LINGO2: variants seen among roughly 807,000 people sequenced by gnomAD.
LINGO2 encodes leucine rich repeat and Ig domain containing 2, also known as leucine-rich repeat and immunoglobulin-like domain-containing nogo receptor-interacting protein 2.
Under a neutral mutation model 30.6 loss-of-function variants are expected in LINGO2, and 14 were observed. The ratio of observed to expected loss-of-function variants is 0.46; its 90% CI spans 0.30 to 0.72. LINGO2 has a LOEUF of 0.72. Ranked by LOEUF, LINGO2 falls within the 30% of genes least tolerant of loss-of-function variation. The pLI is 0.07. For synonymous variants in LINGO2, 317 were observed against 288.5 expected (o/e 1.10, Z -1.00); for missense variants, 729 against 751.7 (o/e 0.97, Z 0.35).
chr9:29,112,029 A>C, the LINGO2 span, among the ~76,000 whole-genome samples: 1 of 142,090 alleles, frequency 7.0e-6, no homozygotes, highest in African/African-American at 2.6e-5. Context: ...TTGCATATGC[A>C]TGTGTGTATG....
chr9:28,367,843 TTA>T (rs1392248795), intron 3 of LINGO2, among the ~76,000 whole-genome samples: 1 of 152,162 alleles, frequency 6.6e-6, no homozygotes, highest in African/African-American at 2.4e-5. Flanking sequence ...TCAAGAACTA[TTA>T]TGAGTCAGAT....
chr9:28,823,584 G>A, the LINGO2 span, among the ~76,000 whole-genome samples: 1 of 152,142 alleles, frequency 6.6e-6, no homozygotes, highest in Admixed American at 6.6e-5. Context: ...TGGAGCACTT[G>A]TTTTTGGAAT....
the LINGO2 span, among the ~76,000 whole-genome samples, chr9:29,211,199 A>G: frequency 1.3e-5 from 2 of 152,212 alleles, no homozygotes; most frequent in Admixed American, 6.5e-5. Context: ...GTATGCACAA[A>G]CACAGCACAG....
chr9:28,872,923 T>G, the LINGO2 span, among the ~76,000 whole-genome samples: 1 of 152,158 alleles, frequency 6.6e-6, no homozygotes, highest in Non-Finnish European at 1.5e-5. Context: ...CAAATGATGA[T>G]TCTTCTACCT....
At chr9:28,639,122 G>T (rs1399625386) in intron 1 of LINGO2, among the ~76,000 whole-genome samples, 14 of 152,138 alleles carry the variant, frequency 9.2e-5, no homozygotes, top group Admixed American at 9.2e-4. Flanking sequence ...CCATGTAGTT[G>T]AGCGGTTTTG....
At chr9:28,321,139 T>G (rs1489931555) in intron 3 of LINGO2, among the ~76,000 whole-genome samples, 1 of 152,136 alleles carries the variant, frequency 6.6e-6, no homozygotes, top group Non-Finnish European at 1.5e-5. Context: ...CTCACTTCAT[T>G]TAAAGAAATG....
chr9:28,218,487 C>T (rs974701001), intron 4 of LINGO2, among the ~76,000 whole-genome samples: 5 of 151,978 alleles, frequency 3.3e-5, no homozygotes, highest in Non-Finnish European at 5.9e-5. Flanking sequence ...GTGGAAAAGT[C>T]ACATGTTCTC....
At chr9:28,172,118 G>A (rs1237312084) in intron 4 of LINGO2, among the ~76,000 whole-genome samples, 8 of 150,196 alleles carry the variant, frequency 5.3e-5, no homozygotes, top group African/African-American at 1.7e-4. Context: ...ACGGCCCGGC[G>A]CGGTGGCTCA....
At chr9:29,125,432 AATAT>A in the LINGO2 span, among the ~76,000 whole-genome samples, 1 of 151,562 alleles carries the variant, frequency 6.6e-6, no homozygotes, top group African/African-American at 2.4e-5. Flanking sequence ...AAAATTTAAA[AATAT>A]ATATATATAC....
At chr9:28,199,997 G>GAAA (rs11325617) in intron 4 of LINGO2, among the ~76,000 whole-genome samples, 2 of 123,096 alleles carry the variant, frequency 1.6e-5, no homozygotes, top group African/African-American at 3.1e-5. Flanking sequence ...CTTCATTTAG[G>GAAA]AAAAAAAAAA....
At chr9:28,644,206 A>G (rs1827730678) in intron 1 of LINGO2, among the ~76,000 whole-genome samples, 1 of 152,076 alleles carries the variant, frequency 6.6e-6, no homozygotes, top group Admixed American at 6.6e-5. Context: ...CAAAAGAAAA[A>G]AAAAGGAAAT....
chr9:28,033,792 A>T (rs951352465), intron 4 of LINGO2, among the ~76,000 whole-genome samples: 1 of 152,230 alleles, frequency 6.6e-6, no homozygotes, highest in Non-Finnish European at 1.5e-5. Flanking sequence ...AAGACAGAAG[A>T]TGTAGCTGAC....
intron 1 of LINGO2, among the ~76,000 whole-genome samples, chr9:28,602,916 T>C (rs758039967): frequency 6.6e-6 from 1 of 152,064 alleles, no homozygotes; most frequent in Non-Finnish European, 1.5e-5. Flanking sequence ...CAAAGTATGA[T>C]CTAGTTTTCT....
intron 2 of LINGO2, among the ~76,000 whole-genome samples, chr9:28,472,032 TTGCC>T (rs1825539890): frequency 6.6e-6 from 1 of 152,148 alleles, no homozygotes; most frequent in African/African-American, 2.4e-5. Flanking sequence ...AAGAAAGGTG[TTGCC>T]TTGTGAGGGA....
chr9:28,573,649 A>C (rs1006957996), intron 1 of LINGO2, among the ~76,000 whole-genome samples: 2 of 152,148 alleles, frequency 1.3e-5, no homozygotes, highest in Non-Finnish European at 2.9e-5. Context: ...CTAGGAGCTA[A>C]AATGGTATAT....
At chr9:28,660,006 G>T (rs1447562176) in intron 1 of LINGO2, among the ~76,000 whole-genome samples, 1 of 151,950 alleles carries the variant, frequency 6.6e-6, no homozygotes, top group African/African-American at 2.4e-5. Flanking sequence ...GATAGAAAAA[G>T]GAATAATGAG....
intron 4 of LINGO2, among the ~76,000 whole-genome samples, chr9:28,138,393 T>C (rs1827576065): frequency 6.6e-6 from 1 of 152,224 alleles, no homozygotes; most frequent in Non-Finnish European, 1.5e-5. Context: ...GAAAAATGCC[T>C]TCATAAGACA....
the LINGO2 span, among the ~76,000 whole-genome samples, chr9:28,976,523 A>G: frequency 2.0e-5 from 3 of 152,150 alleles, no homozygotes; most frequent in Admixed American, 2.0e-4. Context: ...TCTTGAGACT[A>G]AGCAATAAAA....
At chr9:28,204,880 GT>G (rs915543079) in intron 4 of LINGO2, among the ~76,000 whole-genome samples, 5 of 152,076 alleles carry the variant, frequency 3.3e-5, no homozygotes, top group Admixed American at 2.6e-4. Context: ...TAAAGGGGAT[GT>G]TTTTTTCCTG....
Sources: allele counts gnomAD v4.1 joint callset (sites outside exome capture counted in the v4.1 genomes callset), GRCh38; gene constraint gnomAD v4.1.1; transcripts MANE v1.5; gene names NCBI Gene and HGNC (gene_info 2026-07-23, HGNC 2026-07-21).